DARS2: variants seen among roughly 807,000 people sequenced by gnomAD.
DARS2 encodes the protein aspartyl-tRNA synthetase 2, mitochondrial.
Under a neutral mutation model 83.0 loss-of-function variants are expected in DARS2, and 63 were observed. That is an observed-to-expected ratio of 0.76 (90% CI 0.62 to 0.94). The LOEUF (loss-of-function observed/expected upper bound fraction) is 0.94. DARS2 is among the 40% of genes least tolerant of loss of function. The pLI is 0.00. For missense variants in DARS2, 675 were observed against 774.4 expected, an observed-to-expected ratio of 0.87 and a Z score of 1.52; for synonymous variants, 250 against 269.3, an observed-to-expected ratio of 0.93 and a Z score of 0.70.
At chr1:173,830,825 C>G in intron 4 of DARS2, 64 bp downstream of exon 4, 15 of 1,232,526 alleles carry the variant, frequency 1.2e-5, no homozygotes, top group Non-Finnish European at 1.8e-5. Context: ...TCTGTGTACA[C>G]ATTCTGGCAA....
chr1:173,825,477 A>T (rs867519813), intron 1 of DARS2, 121 bp downstream of exon 1: 1 of 453,638 alleles, frequency 2.2e-6, no homozygotes, highest in South Asian at 4.7e-5. Context: ...TATTATTATT[A>T]TTATTATTTG....
chr1:173,829,879 G>A (rs1026961725), intron 3 of DARS2, among the ~76,000 whole-genome samples: 2 of 152,052 alleles, frequency 1.3e-5, no homozygotes, highest in Non-Finnish European at 2.9e-5. Flanking sequence ...CTGTACTCCA[G>A]CCTAGGCAAC....
chr1:173,838,946 A>C (rs1005701037), intron 9 of DARS2, among the ~76,000 whole-genome samples: 3 of 152,142 alleles, frequency 2.0e-5, no homozygotes, highest in Non-Finnish European at 4.4e-5. Flanking sequence ...CATGTTGGCC[A>C]GGATGGTCTG....
intron 14 of DARS2, 75 bp downstream of exon 14, chr1:173,853,642 T>A: frequency 6.4e-7 from 1 of 1,558,616 alleles, no homozygotes; most frequent in Non-Finnish European, 8.8e-7. Flanking sequence ...CAAGGTCTGA[T>A]GAAAGATAGG....
chr1:173,830,035 T>C (rs562906813), intron 3 of DARS2, among the ~76,000 whole-genome samples: 25 of 151,990 alleles, frequency 1.6e-4, no homozygotes, highest in Admixed American at 9.8e-4. Flanking sequence ...TGAGCCAAAA[T>C]TGCACCACTG....
chr1:173,844,982 C>G (rs1007686602), intron 11 of DARS2, among the ~76,000 whole-genome samples: 1 of 151,546 alleles, frequency 6.6e-6, no homozygotes, highest in South Asian at 2.1e-4. Flanking sequence ...TTAGTAGAGA[C>G]GGGGTTTCAC....
chr1:173,834,379 G>A, intron 6 of DARS2, 94 bp from the exon 7 acceptor site: 1 of 949,896 alleles, frequency 1.1e-6, no homozygotes, highest in Admixed American at 1.8e-5. Flanking sequence ...TTAATTAAAG[G>A]GAAGCCTCAG....
At chr1:173,853,709 T>C in intron 14 of DARS2, 86 bp from the exon 15 acceptor site, 7 of 1,494,032 alleles carry the variant, frequency 4.7e-6, no homozygotes, top group Non-Finnish European at 5.6e-6. Flanking sequence ...AGTAATACAT[T>C]GTCTTTAAAA....
chr1:173,845,471 G>A (rs963202931), intron 12 of DARS2, among the ~76,000 whole-genome samples, 180 bp downstream of exon 12: 1 of 151,448 alleles, frequency 6.6e-6, no homozygotes, highest in Non-Finnish European at 1.5e-5. Flanking sequence ...TTATTCTGTC[G>A]CCCAGGCTAG....
In DARS2 at chr1:173,825,040, G is replaced by C; in HGVS notation, c.-190G>C. The C allele has an allele frequency of 4.2e-6, 3 of 709,162 alleles. No homozygotes were observed. The highest frequency in any genetic ancestry group is 6.9e-6 in the Non-Finnish European group (3 of 436,600). The allele number at this position is 709,162 out of a possible 1,614,324, so 43.9% of individuals were successfully genotyped here. On this transcript the variant is annotated 5_prime_UTR_variant, in exon 1 of 17. Coordinates refer to ENST00000649689, the MANE Select transcript of DARS2 (RefSeq NM_018122.5). ...TATCTCCACCCCAGCAAGCACCCCA[G>C]AGACCTTGGAGATTTGTCTTGTTTC... is the stretch of plus-strand genomic sequence containing the variant.
chr1:173,844,740 C>A (rs1280916985), intron 11 of DARS2, among the ~76,000 whole-genome samples: 2 of 58,724 alleles, frequency 3.4e-5, no homozygotes, highest in East Asian at 5.2e-4. Context: ...AGCACTGTAA[C>A]AAGCTTTAAA....
intron 15 of DARS2, 91 bp downstream of exon 15, chr1:173,853,996 G>GT: frequency 8.6e-7 from 1 of 1,158,004 alleles, no homozygotes; most frequent in South Asian, 1.3e-5. Context: ...TGTTTGTTTT[G>GT]TTTTTGAGAC....
At chr1:173,837,339 A>T (rs951982241) in intron 8 of DARS2, among the ~76,000 whole-genome samples, 1 of 152,202 alleles carries the variant, frequency 6.6e-6, no homozygotes, top group African/African-American at 2.4e-5. Flanking sequence ...GAATAGGATA[A>T]TGAATAAAAC....
intron 6 of DARS2, among the ~76,000 whole-genome samples, 161 bp downstream of exon 6, chr1:173,833,660 T>C (rs899575928): frequency 6.6e-6 from 1 of 152,258 alleles, no homozygotes; most frequent in Admixed American, 6.5e-5. Context: ...GTTAACATTA[T>C]TTTAAAGATG....
In DARS2 at chr1:173,831,528, C is replaced by G. The variant is rs772289852; in HGVS notation, c.397-7C>G. ...ATTTTTAAAACCCTTCCTTCTCACT[C>G]TCCAAGAAAATGCCAACAGGTGAGA... On this transcript the variant is annotated splice_region_variant and splice_polypyrimidine_tract_variant and intron_variant, in intron 4 of 16. Transcript: ENST00000649689. 7 of 1,608,886 alleles carry G rather than the reference C, an allele frequency of 4.4e-6. No homozygotes were observed. The Admixed American group carries it at 1.2e-4, about 27-fold the overall frequency.
rs1167728196 is a variant in DARS2 at position 173,825,448 on chromosome 1, C to CTAT, written c.127+92_127+93insTAT. The CTAT allele has an allele frequency of 3.7e-4, 236 of 646,150 alleles. 2 individuals are homozygous for CTAT. The African/African-American group carries it at 4.1e-3, about 11-fold the overall frequency. The allele number at this position is 646,150 out of a possible 1,614,324, so 40.0% of individuals were successfully genotyped here. On this transcript the variant is annotated intron_variant, in intron 1 of 16. Transcript: ENST00000649689. ...TTTATTCCATTTTTCATTTTTTCCC[C>CTAT]CATTATTATTATTATTATTATTATT...
chr1:173,841,032 C>A, intron 11 of DARS2, 59 bp downstream of exon 11: 2 of 1,006,830 alleles, frequency 2.0e-6, no homozygotes, highest in Non-Finnish European at 1.6e-6. Context: ...TAACTTTGTC[C>A]AATACTGTCA....
At chr1:173,852,314 G>A in intron 13 of DARS2, 2 of 870,478 alleles carry the variant, frequency 2.3e-6, no homozygotes, top group Non-Finnish European at 2.8e-6. Flanking sequence ...TAAGCACTTT[G>A]TATACATTAA....
At position 173,830,745 on chromosome 1, in the gene DARS2, C is replaced by T. The variant is rs1652766363; in HGVS notation, c.380C>T (p.Ala127Val). 6.2e-7 allele frequency: 1 copy of T among 1,613,710 alleles called. No homozygotes were observed. Among genetic ancestry groups the T allele is most frequent in the Non-Finnish European group, 8.5e-7 (1 of 1,179,650 alleles). The change falls in exon 4 of 17, where the codon GCA becomes GTA. Residue 127 changes from alanine to valine, a missense_variant. Physicochemically the swap from Ala to Val is moderately conservative, Grantham distance 64. Coordinates refer to ENST00000649689, the MANE Select transcript of DARS2 (RefSeq NM_018122.5). ...TCTGGTACAGTCATTTCCCGTCCTG[C>T]AGGACAAGAGAATCCAGTAGGTAGT... ...QVSGTVISRP[A>V]GQENPKMPTG... is the part of the protein sequence containing the mutation.
Sources: allele counts gnomAD v4.1 joint callset (sites outside exome capture counted in the v4.1 genomes callset), GRCh38; gene constraint gnomAD v4.1.1; transcripts MANE v1.5; gene names NCBI Gene and HGNC (gene_info 2026-07-23, HGNC 2026-07-21).